XK: variants seen among roughly 807,000 people sequenced by gnomAD.
XK encodes endoplasmic reticulum membrane adapter protein XK.
Under a neutral mutation model 14.0 loss-of-function variants are expected in XK, and 2 were observed. The ratio of observed to expected loss-of-function variants is 0.14; its 90% confidence interval spans 0.06 to 0.45. The LOEUF is 0.45. XK is among the 20% of genes least tolerant of loss of function. The probability of loss-of-function intolerance (pLI) is 0.98; values close to 1 mark genes in which losing one functional copy is unlikely to be tolerated. For synonymous variants in XK, 149 were observed against 147.5 expected (o/e 1.01, Z -0.08); for missense variants, 235 against 341.5 (o/e 0.69, Z 2.46).
intron 2 of XK, among the ~76,000 whole-genome samples, chrX:37,712,077 A>G (rs1010263321): frequency 9.0e-6 from 1 of 111,366 alleles, no homozygotes; most frequent in Non-Finnish European, 1.9e-5. Flanking sequence ...TGACTCTTGG[A>G]TTCCTAGGAA....
In XK at chrX:37,729,492, A is replaced by C. The variant is rs1928045655; in HGVS notation, c.*1030A>C. ...AATGACCAGAAAATTTTTGTCTTTC[A>C]TGGAATGCAATTTGACTTGGCATAA... On this transcript the variant is annotated 3_prime_UTR_variant, in exon 3 of 3. Coordinates refer to ENST00000378616, the MANE Select transcript of XK (RefSeq NM_021083.4). 1 of 112,093 alleles carries C rather than the reference A, an allele frequency of 8.9e-6. No homozygotes were observed. Among genetic ancestry groups the C allele is most frequent in the Non-Finnish European group, 1.9e-5 (1 of 53,169 alleles). 9.2% of individuals were successfully genotyped at this position (112,093 alleles called of 1,213,427 possible). A position where few individuals can be genotyped will look rare whatever the true frequency, so the allele number is the denominator to read the frequency against.
chrX:37,707,954 G>A lies in XK; in HGVS notation c.508+13406G>A, dbSNP rs889557951. The stretch of plus-strand genomic sequence containing the variant: ...TGAACGAGACTCCGTCTGCAATCCC[G>A]GCCCCTCGGGAGGCCAAGGCTGGCG... On this transcript the variant is annotated intron_variant, in intron 2 of 2. Transcript: ENST00000378616. 1.1e-4 allele frequency among the ~76,000 whole-genome samples: 12 copies of A among 112,851 alleles called. No homozygotes were observed. In the East Asian group the frequency reaches 1.7e-3, roughly 16 times the overall value.
intron 2 of XK, among the ~76,000 whole-genome samples, chrX:37,709,047 A>G (rs1172163000): frequency 8.9e-6 from 1 of 112,396 alleles, no homozygotes; most frequent in African/African-American, 3.2e-5. Context: ...TTAGCAGCCT[A>G]GCCAATCTCA....
rs184091517 is a variant in XK, at chrX:37,729,661, G to A, written c.*1199G>A. 4 of 111,297 alleles carry A rather than the reference G, an allele frequency of 3.6e-5. No individual in the cohort carries two copies. The highest frequency in any genetic ancestry group is 2.8e-4 in the East Asian group (1 of 3,563). 9.2% of individuals were successfully genotyped at this position (111,297 alleles called of 1,213,427 possible). A position where few individuals can be genotyped will look rare whatever the true frequency, so the allele number is the denominator to read the frequency against. Reference sequence around the variant, plus strand: ...ATCCTCAATTATCTTGGAAAAATGCGTAGATCTAGTGCCATTATTTCTACC... The same window carrying A: ...ATCCTCAATTATCTTGGAAAAATGCATAGATCTAGTGCCATTATTTCTACC... On this transcript the variant is annotated 3_prime_UTR_variant, in exon 3 of 3. Coordinates refer to ENST00000378616, the MANE Select transcript of XK (RefSeq NM_021083.4).
At chrX:37,721,525 G>T (rs1221694825) in intron 2 of XK, among the ~76,000 whole-genome samples, 2 of 111,196 alleles carry the variant, frequency 1.8e-5, no homozygotes, top group African/African-American at 3.3e-5. Context: ...CATTAGAATG[G>T]CTAGAATAAA....
intron 2 of XK, among the ~76,000 whole-genome samples, chrX:37,726,321 C>A (rs782204278): frequency 8.9e-5 from 10 of 111,765 alleles, no homozygotes; most frequent in Non-Finnish European, 1.7e-4. Flanking sequence ...AATAAATAAA[C>A]ATTTCAAGAT....
chrX:37,694,292 T>C lies in XK; in HGVS notation c.252T>C (p.Phe84=), dbSNP rs1927263651. Residue 84 remains phenylalanine (F), a synonymous_variant, in exon 2 of 3, where the codon TTT becomes TTC. Coordinates refer to ENST00000378616, the MANE Select transcript of XK (RefSeq NM_021083.4). ...LLQLGPLFRC[F]EVFCIYFQSG... is the part of the protein sequence containing the mutation. ...TTTCCTGATTTGTTTTCAGGTGTTT[T>C]GAAGTCTTCTGCATCTACTTTCAGT... 3 of 1,210,679 alleles carry C rather than the reference T, an allele frequency of 2.5e-6. No homozygotes were observed. The African/African-American group carries it at 5.2e-5, about 21-fold the overall frequency.
intron 2 of XK, among the ~76,000 whole-genome samples, chrX:37,721,674 C>A (rs1248380641): frequency 9.0e-6 from 1 of 111,249 alleles, no homozygotes; most frequent in African/African-American, 3.3e-5. Flanking sequence ...ATTACGTTAC[C>A]ATATTACCTA....
chrX:37,688,491 C>T (rs782296614), intron 1 of XK, among the ~76,000 whole-genome samples: 1 of 111,939 alleles, frequency 8.9e-6, no homozygotes, highest in South Asian at 3.7e-4. Flanking sequence ...TACTTACATG[C>T]CTCAATTCAT....
intron 1 of XK, among the ~76,000 whole-genome samples, chrX:37,688,027 A>ATTTCTTTCTTTCTTTC (rs61667945): frequency 5.2e-5 from 4 of 77,287 alleles, no homozygotes; most frequent in Non-Finnish European, 9.8e-5. Context: ...GGCACTTATC[A>ATTTCTTTCTTTCTTTC]TTTCTTTCTT....
intron 1 of XK, 72 bp downstream of exon 1, chrX:37,686,278 G>C (rs1927074054): frequency 1.7e-6 from 2 of 1,168,076 alleles, no homozygotes; most frequent in Non-Finnish European, 2.3e-6. Flanking sequence ...CCACCTGCTC[G>C]AGTGGAGGGA....
At position 37,720,801 on chromosome X, in the gene XK, C is replaced by T. The variant is rs138726749; in HGVS notation, c.509-6835C>T. Among the ~76,000 whole-genome samples the T allele has an allele frequency of 3.2e-3, 353 of 111,287 alleles. 1 individual carries two copies. Among genetic ancestry groups the T allele is most frequent in the African/African-American group, 0.011 (341 of 30,798 alleles). ...TATTTGACTCTTCTGAATTGGTTCA[C>T]CTAGGATAATGGCCTCTGGTTCCGT... On this transcript the variant is annotated intron_variant, in intron 2 of 2. Transcript: ENST00000378616.
rs188915648 is a variant in XK, at chrX:37,687,233, A to G, written c.245+1027A>G. On this transcript the variant is annotated intron_variant, in intron 1 of 2. Transcript: ENST00000378616. ...CACACACACACACACACACGCACAC[A>G]CACACATTGAGGAGCAAGATAAATT... Among the ~76,000 whole-genome samples the G allele has an allele frequency of 8.4e-3, 902 of 106,908 alleles. 9 individuals carry two copies. Among genetic ancestry groups the G allele is most frequent in the African/African-American group, 0.029 (844 of 29,208 alleles). 92.8% of individuals were successfully genotyped at this position (106,908 alleles called of 115,157 possible).
At chrX:37,714,894 G>A (rs782813168) in intron 2 of XK, among the ~76,000 whole-genome samples, 2 of 111,197 alleles carry the variant, frequency 1.8e-5, no homozygotes, top group East Asian at 5.6e-4. Flanking sequence ...GTATCAGCTA[G>A]CTATTGCTGA....
intron 2 of XK, among the ~76,000 whole-genome samples, chrX:37,695,002 T>G (rs1265430560): frequency 1.8e-5 from 2 of 112,207 alleles, no homozygotes; most frequent in Non-Finnish European, 3.8e-5. Flanking sequence ...CACATCAGCT[T>G]TTGTGATCCA....
intron 2 of XK, among the ~76,000 whole-genome samples, chrX:37,698,543 CAAAAAAAAAAA>C (rs35497516): frequency 1.1e-4 from 3 of 26,990 alleles, no homozygotes; most frequent in East Asian, 1.2e-3. Flanking sequence ...GACCTTGCCT[CAAAAAAAAAAA>C]AAAAAAAAAA....
intron 2 of XK, among the ~76,000 whole-genome samples, chrX:37,710,917 G>A (rs368626605): frequency 2.7e-5 from 3 of 111,749 alleles, no homozygotes; most frequent in South Asian, 3.8e-4. Context: ...GAGTGCCACC[G>A]ATTCTTTAGG....
At chrX:37,713,602 CT>C (rs781838252) in intron 2 of XK, among the ~76,000 whole-genome samples, 177 of 100,963 alleles carry the variant, frequency 1.8e-3, no homozygotes, top group Middle Eastern at 4.9e-3. Context: ...AAGAATGCCT[CT>C]TTTTTTTTTT....
chrX:37,723,643 T>C (rs1377253452), intron 2 of XK, among the ~76,000 whole-genome samples: 2 of 111,300 alleles, frequency 1.8e-5, no homozygotes, highest in Admixed American at 9.5e-5. Flanking sequence ...GAAAAAATTA[T>C]GTGGGCCATA....
Sources: allele counts gnomAD v4.1 joint callset (sites outside exome capture counted in the v4.1 genomes callset), GRCh38; gene constraint gnomAD v4.1.1; transcripts MANE v1.5; gene names NCBI Gene and HGNC (gene_info 2026-07-23, HGNC 2026-07-21).